Variants in GRHL2 observed in about 807,000 individuals in gnomAD.
GRHL2 encodes the protein grainyhead like transcription factor 2.
In GRHL2, 21 loss-of-function variants were observed where a neutral mutation model predicts 83.8. The observed-to-expected ratio is 0.25, with a 90% CI of 0.18 to 0.36. The LOEUF (loss-of-function observed/expected upper bound fraction) is 0.36. Among genes scored for constraint, GRHL2 ranks in the 10% least tolerant of loss-of-function variants. GRHL2 has a pLI of 1.00. For synonymous variants in GRHL2, 280 were observed against 278.9 expected (o/e 1.00, Z -0.04); for missense variants, 623 against 781.8 (o/e 0.80, Z 2.42).
intron 1 of GRHL2, among the ~76,000 whole-genome samples, chr8:101,530,602 T>A (rs1810903705): frequency 1.3e-5 from 2 of 152,224 alleles, no homozygotes; most frequent in South Asian, 4.1e-4. Context: ...CTAGTTGTAT[T>A]ATACTAAAGA....
At chr8:101,586,830 C>T (rs982306176) in intron 7 of GRHL2, among the ~76,000 whole-genome samples, 5 of 152,108 alleles carry the variant, frequency 3.3e-5, no homozygotes, top group African/African-American at 1.2e-4. Flanking sequence ...GTTGGACTCT[C>T]CTCTTTCATG....
intron 1 of GRHL2, among the ~76,000 whole-genome samples, chr8:101,532,663 AG>A (rs1664017027): frequency 6.6e-6 from 1 of 151,776 alleles, no homozygotes; most frequent in Admixed American, 6.6e-5. Flanking sequence ...CTGAGGCAGG[AG>A]AATTGCTTGA....
chr8:101,610,058 C>T (rs1437030850), intron 8 of GRHL2, among the ~76,000 whole-genome samples: 3 of 150,786 alleles, frequency 2.0e-5, no homozygotes, highest in African/African-American at 7.5e-5. Context: ...GCACATCCCT[C>T]ATCCTGATGT....
At chr8:101,675,769 A>G in the GRHL2 span, among the ~76,000 whole-genome samples, 1 of 152,156 alleles carries the variant, frequency 6.6e-6, no homozygotes. Context: ...CTAAGCCGAA[A>G]GAACAAAGCC....
At chr8:101,493,844 G>T (rs1026553040) in intron 1 of GRHL2, among the ~76,000 whole-genome samples, 6 of 151,906 alleles carry the variant, frequency 3.9e-5, no homozygotes, top group Non-Finnish European at 8.8e-5. Context: ...CACTGGGCCC[G>T]GTCCGGCCGC....
rs1048310443 is a variant in GRHL2 at position 101,511,770 on chromosome 8, A to C, written c.20+18981A>C. On this transcript the variant is annotated intron_variant, in intron 1 of 15. Transcript: ENST00000646743. ...TTTTCCCCCAAGCAAATTTCTCCTA[A>C]ATTTTATTCTATCATTCTATTTATT... 9.9e-5 allele frequency among the ~76,000 whole-genome samples: 15 copies of C among 152,020 alleles called. No individual in the cohort carries two copies. In the East Asian group the frequency reaches 2.7e-3, roughly 27 times the overall value.
chr8:101,555,399 T>G (rs1232487101), intron 3 of GRHL2, among the ~76,000 whole-genome samples: 22 of 152,166 alleles, frequency 1.4e-4, no homozygotes. Context: ...TTTACTGGGT[T>G]CATGATGTTT....
At chr8:101,603,204 A>G (rs1483591460) in intron 8 of GRHL2, among the ~76,000 whole-genome samples, 2 of 152,346 alleles carry the variant, frequency 1.3e-5, no homozygotes, top group East Asian at 3.9e-4. Flanking sequence ...GAAGCTGGCC[A>G]TATCAGAGGA....
chr8:101,513,499 G>GATTTTTTTTTTT (rs1563558328), intron 1 of GRHL2, among the ~76,000 whole-genome samples: 292 of 8,602 alleles, frequency 0.034, 15 homozygotes, highest in African/African-American at 0.051. Flanking sequence ...CTATCGTTGT[G>GATTTTTTTTTTT]CTTTTTTTTT....
chr8:101,549,091 A>T (rs569773952), intron 2 of GRHL2, among the ~76,000 whole-genome samples: 67 of 149,804 alleles, frequency 4.5e-4, no homozygotes, highest in Non-Finnish European at 8.0e-4. Flanking sequence ...ATTAGATGGG[A>T]CTCAAAGTAT....
At chr8:101,660,102 C>A (rs1481203847) in intron 14 of GRHL2, among the ~76,000 whole-genome samples, 2 of 152,092 alleles carry the variant, frequency 1.3e-5, no homozygotes, top group South Asian at 4.1e-4. Context: ...GTGAATCTCC[C>A]ACAATAATTG....
chr8:101,506,835 C>CAAAAA (rs10688299), intron 1 of GRHL2, among the ~76,000 whole-genome samples: 1 of 147,108 alleles, frequency 6.8e-6, no homozygotes, highest in Non-Finnish European at 1.5e-5. Context: ...ATTTGCAAGG[C>CAAAAA]AAAAAAAAAA....
chr8:101,554,712 A>C (rs190783137), intron 3 of GRHL2, among the ~76,000 whole-genome samples: 2 of 152,366 alleles, frequency 1.3e-5, no homozygotes, highest in African/African-American at 4.8e-5. Context: ...CTGGAAAAAT[A>C]ACAGAATCTC....
At chr8:101,608,855 G>A (rs1289059707) in intron 8 of GRHL2, among the ~76,000 whole-genome samples, 3 of 150,030 alleles carry the variant, frequency 2.0e-5, no homozygotes, top group African/African-American at 5.0e-5. Context: ...AAGGAAGGAC[G>A]TGGCATGTAG....
chr8:101,675,314 C>T, the GRHL2 span, among the ~76,000 whole-genome samples: 1,009 of 152,154 alleles, frequency 6.6e-3, 11 homozygotes, highest in African/African-American at 0.022. Context: ...AAAACCCCAT[C>T]GTCTCAGCTC....
chr8:101,665,074 A>G (rs1046899165), intron 15 of GRHL2, among the ~76,000 whole-genome samples: 12 of 152,252 alleles, frequency 7.9e-5, no homozygotes, highest in Admixed American at 1.3e-4. Flanking sequence ...AGTTCTCACC[A>G]CTTTATGAGG....
At chr8:101,648,341 A>C (rs1892755) in intron 13 of GRHL2, among the ~76,000 whole-genome samples, 2 of 151,958 alleles carry the variant, frequency 1.3e-5, no homozygotes, top group African/African-American at 2.4e-5. Flanking sequence ...ATCATCTCTC[A>C]TACTCTCTAC....
chr8:101,530,147 A>C (rs767787714), intron 1 of GRHL2, among the ~76,000 whole-genome samples: 1 of 152,242 alleles, frequency 6.6e-6, no homozygotes, highest in Non-Finnish European at 1.5e-5. Flanking sequence ...AGAGAAAAAC[A>C]GTCCTCAAGC....
In GRHL2 at chr8:101,666,736, C is replaced by T; in HGVS notation, c.*33C>T. On this transcript the variant is annotated 3_prime_UTR_variant, in exon 16 of 16. Transcript: ENST00000646743. ...TTTGGCATCCGCTTTGGCTGGAGCT[C>T]TCAGTGCGTTCCTCCCTGAGAGAGA... is the stretch of plus-strand genomic sequence containing the variant. 7.7e-7 allele frequency: 1 copy of T among 1,300,582 alleles called. No homozygotes were observed. The highest frequency in any genetic ancestry group is 2.3e-5 in the East Asian group (1 of 43,422). 80.6% of individuals were successfully genotyped at this position (1,300,582 alleles called of 1,614,324 possible). A position where few individuals can be genotyped will look rare whatever the true frequency, so the allele number is the denominator to read the frequency against.
Sources: allele counts gnomAD v4.1 joint callset (sites outside exome capture counted in the v4.1 genomes callset), GRCh38; gene constraint gnomAD v4.1.1; transcripts MANE v1.5; gene names NCBI Gene and HGNC (gene_info 2026-07-23, HGNC 2026-07-21).